Variants in FAM168A observed in about 807,000 individuals in gnomAD.
FAM168A encodes the protein family with sequence similarity 168 member A, also known as protein FAM168A.
A neutral mutation model predicts 28.5 loss-of-function variants in FAM168A; 3 were observed. The ratio of observed to expected loss-of-function variants is 0.11; its 90% CI spans 0.05 to 0.27. FAM168A has a LOEUF of 0.27. Ranked by LOEUF, FAM168A falls within the 10% of genes least tolerant of loss-of-function variation. The pLI, the probability that FAM168A is intolerant of heterozygous loss-of-function variation, is 1.00. For synonymous variants in FAM168A, 122 were observed against 124.2 expected, an observed-to-expected ratio of 0.98 and a Z score of 0.12; for missense variants, 222 against 311.5, an observed-to-expected ratio of 0.71 and a Z score of 2.16.
chr11:73,504,914 A>G (rs1272164044), intron 1 of FAM168A, among the ~76,000 whole-genome samples: 1 of 152,124 alleles, frequency 6.6e-6, no homozygotes, highest in African/African-American at 2.4e-5. Context: ...ACAGAAAACC[A>G]AACACTGCAT....
chr11:73,505,578 AAAG>A (rs1268540278), intron 1 of FAM168A, among the ~76,000 whole-genome samples: 1 of 152,248 alleles, frequency 6.6e-6, no homozygotes, highest in Non-Finnish European at 1.5e-5. Context: ...GAGAAAAATA[AAAG>A]AAGGGCAAAG....
At chr11:73,427,009 G>T (rs188428953) in intron 3 of FAM168A, among the ~76,000 whole-genome samples, 9 of 151,430 alleles carry the variant, frequency 5.9e-5, no homozygotes, top group African/African-American at 1.9e-4. Context: ...TATTTTTTTT[G>T]AGATGGAGTC....
chr11:73,429,333 T>C (rs1478068019), intron 3 of FAM168A, among the ~76,000 whole-genome samples: 1 of 152,188 alleles, frequency 6.6e-6, no homozygotes, highest in African/African-American at 2.4e-5. Flanking sequence ...AAAACACTGC[T>C]TTTTGATTCT....
intron 1 of FAM168A, among the ~76,000 whole-genome samples, chr11:73,546,980 T>C (rs1943762775): frequency 6.6e-6 from 1 of 151,000 alleles, no homozygotes; most frequent in African/African-American, 2.4e-5. Context: ...TGAATAGACA[T>C]TTCTCCAAAG....
At chr11:73,497,421 C>A (rs1854913426) in intron 1 of FAM168A, among the ~76,000 whole-genome samples, 1 of 151,916 alleles carries the variant, frequency 6.6e-6, no homozygotes, top group Admixed American at 6.6e-5. Context: ...TGCACTCCAG[C>A]CTGGCGACAG....
intron 2 of FAM168A, among the ~76,000 whole-genome samples, chr11:73,460,499 C>CTTTTT (rs547956382): frequency 3.5e-5 from 4 of 112,828 alleles, no homozygotes; most frequent in Non-Finnish European, 7.2e-5. Context: ...GCTACTAATG[C>CTTTTT]TTTTTTTTTT....
intron 1 of FAM168A, among the ~76,000 whole-genome samples, chr11:73,499,489 C>T (rs1298009760): frequency 2.6e-5 from 4 of 152,090 alleles, no homozygotes; most frequent in Non-Finnish European, 4.4e-5. Flanking sequence ...TGCAACGTCT[C>T]TCCATCAAGG....
chr11:73,431,812 T>A (rs1867000233), intron 2 of FAM168A, among the ~76,000 whole-genome samples: 2 of 152,242 alleles, frequency 1.3e-5, no homozygotes, highest in African/African-American at 2.4e-5. Context: ...TAACCATTTT[T>A]AAATATATAA....
chr11:73,454,826 C>A (rs377526956), intron 2 of FAM168A, among the ~76,000 whole-genome samples: 3 of 152,138 alleles, frequency 2.0e-5, no homozygotes, highest in Non-Finnish European at 4.4e-5. Flanking sequence ...CTACCCAACC[C>A]GTCCCCTTTT....
At chr11:73,433,558 A>G (rs1302281505) in intron 2 of FAM168A, among the ~76,000 whole-genome samples, 1 of 152,090 alleles carries the variant, frequency 6.6e-6, no homozygotes, top group African/African-American at 2.4e-5. Context: ...TAATTTTTAT[A>G]TATGATATGA....
chr11:73,460,063 G>A (rs1032147130), intron 2 of FAM168A, among the ~76,000 whole-genome samples: 1 of 151,886 alleles, frequency 6.6e-6, no homozygotes, highest in East Asian at 1.9e-4. Context: ...TGTATTTTTA[G>A]TAGAGACGGG....
At chr11:73,488,679 C>T (rs1322384904) in intron 1 of FAM168A, among the ~76,000 whole-genome samples, 1 of 152,178 alleles carries the variant, frequency 6.6e-6, no homozygotes, top group African/African-American at 2.4e-5. Context: ...ACGTTCCAAC[C>T]TTCCAGTGGT....
chr11:73,445,424 T>C (rs1018617108), intron 2 of FAM168A, among the ~76,000 whole-genome samples: 1 of 83,962 alleles, frequency 1.2e-5, no homozygotes, highest in African/African-American at 6.7e-5. Context: ...TGTCTCTTTT[T>C]TTTTTTTTTT....
chr11:73,475,488 T>C (rs1012642691), intron 1 of FAM168A, among the ~76,000 whole-genome samples: 4 of 152,084 alleles, frequency 2.6e-5, no homozygotes, highest in East Asian at 3.9e-4. Context: ...AAAGATTGTG[T>C]TTGCCCAAAA....
chr11:73,529,953 A>C (rs1943496351), intron 1 of FAM168A, among the ~76,000 whole-genome samples: 1 of 151,822 alleles, frequency 6.6e-6, no homozygotes, highest in Admixed American at 6.6e-5. Flanking sequence ...CACCCAGCTA[A>C]TTTTTGTATT....
chr11:73,573,152 C>T (rs1287764906), intron 1 of FAM168A, among the ~76,000 whole-genome samples: 1 of 152,150 alleles, frequency 6.6e-6, no homozygotes, highest in Non-Finnish European at 1.5e-5. Flanking sequence ...GCAAGACGCA[C>T]TTGGAACTTT....
intron 3 of FAM168A, among the ~76,000 whole-genome samples, chr11:73,423,475 T>C (rs949527058): frequency 1.3e-5 from 2 of 152,182 alleles, no homozygotes; most frequent in African/African-American, 4.8e-5. Flanking sequence ...GACTCTCTCA[T>C]TGTTCTCAAT....
At chr11:73,503,432 TA>T (rs1855048706) in intron 1 of FAM168A, among the ~76,000 whole-genome samples, 1 of 152,108 alleles carries the variant, frequency 6.6e-6, no homozygotes, top group African/African-American at 2.4e-5. Flanking sequence ...TACCTAGGAA[TA>T]CAGCTAACAA....
intron 1 of FAM168A, among the ~76,000 whole-genome samples, chr11:73,535,873 A>AT (rs59707150): frequency 8.4e-4 from 118 of 141,298 alleles, no homozygotes; most frequent in Middle Eastern, 4.0e-3. Flanking sequence ...CACTTAAAAC[A>AT]TTTTTTTTTT....
Sources: allele counts gnomAD v4.1 joint callset (sites outside exome capture counted in the v4.1 genomes callset), GRCh38; gene constraint gnomAD v4.1.1; transcripts MANE v1.5; gene names NCBI Gene and HGNC (gene_info 2026-07-23, HGNC 2026-07-21).